Variants in OR4D6 observed in about 807,000 individuals in gnomAD.
OR4D6 encodes olfactory receptor family 4 subfamily D member 6.
A neutral mutation model predicts 10.9 loss-of-function variants in OR4D6; 9 were observed. The ratio of observed to expected loss-of-function variants is 0.82; its 90% CI spans 0.50 to 1.44. OR4D6 has a LOEUF of 1.44. OR4D6 is among the 40% of genes most tolerant of loss of function. OR4D6 has a pLI of 0.00. For missense variants in OR4D6, 370 were observed against 384.4 expected, an observed-to-expected ratio of 0.96 and a Z score of 0.31; for synonymous variants, 167 against 154.4, an observed-to-expected ratio of 1.08 and a Z score of -0.60.
chr11:59,457,697 T>G lies in OR4D6; in HGVS notation c.737T>G (p.Val246Gly). The G allele has an allele frequency of 6.2e-7, 1 of 1,614,134 alleles. No individual in the cohort carries two copies. The highest frequency in any genetic ancestry group is 1.1e-5 in the South Asian group (1 of 91,072). Residue 246 changes from valine to glycine, a missense_variant, in exon 1 of 1, where the codon GTG becomes GGG. Coordinates refer to ENST00000300127, the MANE Select transcript of OR4D6 (RefSeq NM_001004708.1). ...TCCACGTGCACGTCCCACATGCTGG[T>G]GGTGACTCTTCACTTCGTGCCTTGT... Reference protein sequence around the residue: ...ALSTCTSHMLVVTLHFVPCVY... With the variant: ...ALSTCTSHMLGVTLHFVPCVY...
rs746809183 is a variant in OR4D6 at position 59,457,167 on chromosome 11, G to A, written c.207G>A (p.Leu69=). 3 of 1,613,696 alleles carry A rather than the reference G, an allele frequency of 1.9e-6. No individual in the cohort carries two copies. The highest frequency in any genetic ancestry group is 1.1e-5 in the South Asian group (1 of 91,058). The part of the protein sequence containing the change: ...MYFLLRNKSV[L]DIVFSSITVP... ...TTCTCCTGCGGAACAAATCAGTCCT[G>A]GACATCGTTTTTTCATCTATCACCG... Residue 69 remains leucine, a synonymous_variant, in exon 1 of 1, where the codon CTG becomes CTA. Coordinates refer to ENST00000300127, the MANE Select transcript of OR4D6 (RefSeq NM_001004708.1).
rs759918201 is a variant in OR4D6 at position 59,457,133 on chromosome 11, C to T, written c.173C>T (p.Pro58Leu). ...ACCTGTGAGTCCCGCCTACACACTC[C>T]TATGTACTTTCTCCTGCGGAACAAA... Reference protein sequence around the residue: ...TITCESRLHTPMYFLLRNKSV... With the variant: ...TITCESRLHTLMYFLLRNKSV... Residue 58 changes from proline (P) to leucine (L), a missense_variant, in exon 1 of 1, where the codon CCT becomes CTT. Physicochemically the swap from Pro to Leu is moderately conservative, Grantham distance 98. Transcript: ENST00000300127. 3.1e-6 allele frequency: 5 copies of T among 1,614,050 alleles called. No homozygotes were observed. The highest frequency in any genetic ancestry group is 4.2e-6 in the Non-Finnish European group (5 of 1,179,916).
Position 59,456,975 on chromosome 11 carries a change from C to G in OR4D6, c.15C>G (p.Asn5Lys). The change falls in exon 1 of 1, where the codon AAC (asparagine) becomes AAG (lysine). Residue 5 changes from asparagine to lysine, a missense_variant. By Grantham distance (94) the Asn-to-Lys change is moderately conservative. Transcript: ENST00000300127. Reference protein sequence around the residue: MDQINHTNVKEFFFL... With the variant: MDQIKHTNVKEFFFL... ...TCATCCCCATCATGGACCAGATCAA[C>G]CACACTAATGTGAAGGAGTTTTTCT... 6.2e-7 allele frequency: 1 copy of G among 1,612,854 alleles called. No homozygotes were observed. The highest frequency in any genetic ancestry group is 8.5e-7 in the Non-Finnish European group (1 of 1,179,034).
rs748836516 is a variant in OR4D6, at chr11:59,457,269, C to T, written c.309C>T (p.Phe103=). The T allele has an allele frequency of 1.9e-6, 3 of 1,613,560 alleles. No homozygotes were observed. The highest frequency in any genetic ancestry group is 2.2e-5 in the East Asian group (1 of 44,890). Residue 103 remains phenylalanine (F), a synonymous_variant, in exon 1 of 1, where the codon TTC becomes TTT. Transcript: ENST00000300127. ...ATGACTGCATGGCACAGATCTTTTT[C>T]TTCCACTTTGCTGGTGGGGCAGATA... The part of the protein sequence containing the change: ...SYNDCMAQIF[F]FHFAGGADIF...
chr11:59,457,444 CT>C lies in OR4D6; in HGVS notation c.485del (p.Leu162ArgfsTer24). 1.2e-6 allele frequency: 2 copies of C among 1,614,156 alleles called. No homozygotes were observed. Among genetic ancestry groups the C allele is most frequent in the Non-Finnish European group, 1.7e-6 (2 of 1,180,018 alleles). ...GGLHSIIQVI[L>X]MLPFPFCGPN... ...TTTGCATTCAATCATCCAGGTAATT[CT>C]GATGCTTCCATTCCCCTTCTGTGGC... On this transcript the variant is annotated frameshift_variant, in exon 1 of 1. Coordinates refer to ENST00000300127, the MANE Select transcript of OR4D6 (RefSeq NM_001004708.1). LOFTEE classifies it high-confidence loss of function.
chr11:59,457,199 A>G lies in OR4D6; in HGVS notation c.239A>G (p.Lys80Arg), dbSNP rs772813195. The change falls in exon 1 of 1, where the codon AAG (lysine) becomes AGG (arginine). Residue 80 changes from lysine (K) to arginine (R), a missense_variant. Transcript: ENST00000300127. ...GTTTTTTCATCTATCACCGTCCCCA[A>G]GTTCCTGGTGGATCTTTTATCAGAC... ...DIVFSSITVP[K>R]FLVDLLSDRK... The G allele has an allele frequency of 3.7e-6, 6 of 1,613,200 alleles. No individual in the cohort carries two copies. The Admixed American group carries it at 5.0e-5, about 13-fold the overall frequency.
At position 59,457,785 on chromosome 11, in the gene OR4D6, CACGGTCATT is replaced by C; in HGVS notation, c.828_836del (p.Val277_Thr279del). 1 of 1,613,850 alleles carries C rather than the reference CACGGTCATT, an allele frequency of 6.2e-7. No homozygotes were observed. Among genetic ancestry groups the C allele is most frequent in the Non-Finnish European group, 8.5e-7 (1 of 1,179,748 alleles). On this transcript the variant is annotated inframe_deletion, in exon 1 of 1. Transcript: ENST00000300127. ...TGGACACAACCATATCCATTAATAA[CACGGTCATT>C]ACCCCCATGCTGAACCCCATCATCT...
chr11:59,457,194 C>T lies in OR4D6; in HGVS notation c.234C>T (p.Val78=), dbSNP rs1565078401. ...ACATCGTTTTTTCATCTATCACCGTCCCCAAGTTCCTGGTGGATCTTTTAT... is the reference window on the plus strand; with the variant it reads ...ACATCGTTTTTTCATCTATCACCGTTCCCAAGTTCCTGGTGGATCTTTTAT... The part of the protein sequence containing the change: ...VLDIVFSSIT[V]PKFLVDLLSD... The change falls in exon 1 of 1, where the codon GTC becomes GTT. Residue 78 remains valine, a synonymous_variant. Transcript: ENST00000300127. 7 of 1,613,486 alleles carry T rather than the reference C, an allele frequency of 4.3e-6. No individual in the cohort carries two copies. The South Asian group carries it at 7.7e-5, about 18-fold the overall frequency.
Position 59,457,656 on chromosome 11 carries a change from G to A in OR4D6, c.696G>A (p.Gly232=). Residue 232 remains glycine, a synonymous_variant, in exon 1 of 1, where the codon GGG becomes GGA. Coordinates refer to ENST00000300127, the MANE Select transcript of OR4D6 (RefSeq NM_001004708.1). The part of the protein sequence containing the change: ...LVMLRSHSGE[G]RNKALSTCTS... ...TGCTGAGATCCCACTCTGGGGAGGG[G>A]CGGAACAAGGCCCTCTCCACGTGCA... The A allele has an allele frequency of 3.1e-6, 5 of 1,613,950 alleles. No individual in the cohort carries two copies. Among genetic ancestry groups the A allele is most frequent in the Non-Finnish European group, 4.2e-6 (5 of 1,179,910 alleles).
chr11:59,457,008 A>G lies in OR4D6; in HGVS notation c.48A>G (p.Glu16=). The G allele has an allele frequency of 6.2e-7, 1 of 1,614,154 alleles. No individual in the cohort carries two copies. Among genetic ancestry groups the G allele is most frequent in the Non-Finnish European group, 8.5e-7 (1 of 1,180,020 alleles). ...ATGTGAAGGAGTTTTTCTTCCTGGA[A>G]CTTACACGTTCCCGAGAGCTGGAGT... is the stretch of plus-strand genomic sequence containing the variant. ...HTNVKEFFFL[E]LTRSRELEFF... is the part of the protein sequence containing the mutation. Residue 16 remains glutamate, a synonymous_variant, in exon 1 of 1, where the codon GAA becomes GAG. Coordinates refer to ENST00000300127, the MANE Select transcript of OR4D6 (RefSeq NM_001004708.1).
chr11:59,457,488 C>T lies in OR4D6; in HGVS notation c.528C>T (p.Ala176=), dbSNP rs778025897. The T allele has an allele frequency of 4.3e-6, 7 of 1,614,126 alleles. No individual in the cohort carries two copies. ...TCTGTGGCCCCAACACACTGGATGC[C>T]TTCTACTGTTATGTGCTCCAGGTGG... ...FPFCGPNTLD[A]FYCYVLQVVK... The change falls in exon 1 of 1, where the codon GCC becomes GCT. Residue 176 remains alanine, a synonymous_variant. Coordinates refer to ENST00000300127, the MANE Select transcript of OR4D6 (RefSeq NM_001004708.1).
In OR4D6 at chr11:59,457,309, G is replaced by A. The variant is rs765498680; in HGVS notation, c.349G>A (p.Val117Met). ...TGGGGCAGATATTTTTTTCCTCTCTGTGATGGCCTATGACAGATACCTTGC... is the reference window on the plus strand; with the variant it reads ...TGGGGCAGATATTTTTTTCCTCTCTATGATGGCCTATGACAGATACCTTGC... ...AGGADIFFLS[V>M]MAYDRYLAIA... is the part of the protein sequence containing the mutation. Residue 117 changes from valine (V) to methionine (M), a missense_variant, in exon 1 of 1, where the codon GTG becomes ATG. By Grantham distance (21) the Val-to-Met change is conservative. Coordinates refer to ENST00000300127, the MANE Select transcript of OR4D6 (RefSeq NM_001004708.1). 3 of 1,613,272 alleles carry A rather than the reference G, an allele frequency of 1.9e-6. No homozygotes were observed. The highest frequency in any genetic ancestry group is 2.5e-6 in the Non-Finnish European group (3 of 1,179,754).
In OR4D6 at chr11:59,457,339, G is replaced by A. The variant is rs200132677; in HGVS notation, c.379G>A (p.Ala127Thr). ...VMAYDRYLAI[A>T]KPLHYVTMMR... is the part of the protein sequence containing the mutation. ...GGCCTATGACAGATACCTTGCAATC[G>A]CCAAGCCCCTGCACTATGTGACCAT... The change falls in exon 1 of 1, where the codon GCC (alanine) becomes ACC (threonine). Residue 127 changes from alanine to threonine, a missense_variant. Transcript: ENST00000300127. 3.0e-5 allele frequency: 48 copies of A among 1,612,640 alleles called. 1 individual carries two copies. The highest frequency in any genetic ancestry group is 8.8e-5 in the South Asian group (8 of 90,826).
Position 59,457,077 on chromosome 11 carries a change from C to T in OR4D6, c.117C>T (p.Val39=), listed in dbSNP as rs756438643. ...VVFFAVYVAT[V]LGNALIVVTI... is the part of the protein sequence containing the mutation. ...TCTTTGCTGTGTATGTAGCAACAGT[C>T]CTGGGAAATGCACTCATTGTGGTCA... is the stretch of plus-strand genomic sequence containing the variant. Residue 39 remains valine (V), a synonymous_variant, in exon 1 of 1, where the codon GTC becomes GTT. Coordinates refer to ENST00000300127, the MANE Select transcript of OR4D6 (RefSeq NM_001004708.1). 1 of 1,613,982 alleles carries T rather than the reference C, an allele frequency of 6.2e-7. No homozygotes were observed. The highest frequency in any genetic ancestry group is 8.5e-7 in the Non-Finnish European group (1 of 1,179,890).
In OR4D6 at chr11:59,457,411, A is replaced by G; in HGVS notation, c.451A>G (p.Ser151Gly). The G allele has an allele frequency of 6.2e-7, 1 of 1,614,082 alleles. No homozygotes were observed. The highest frequency in any genetic ancestry group is 1.1e-5 in the South Asian group (1 of 91,066). Residue 151 changes from serine (S) to glycine (G), a missense_variant, in exon 1 of 1, where the codon AGT becomes GGT. Physicochemically the swap from Ser to Gly is moderately conservative, Grantham distance 56. Transcript: ENST00000300127. ...WVALVVASWVSGGLHSIIQVI... is the reference protein window; with the variant it reads ...WVALVVASWVGGGLHSIIQVI... ...GGCCTTGGTGGTGGCTTCTTGGGTGAGTGGTGGTTTGCATTCAATCATCCA... is the reference window on the plus strand; with the variant it reads ...GGCCTTGGTGGTGGCTTCTTGGGTGGGTGGTGGTTTGCATTCAATCATCCA...
At position 59,457,152 on chromosome 11, in the gene OR4D6, G is replaced by C. The variant is rs778878553; in HGVS notation, c.192G>C (p.Arg64=). ...RLHTPMYFLL[R]NKSVLDIVFS... Reference sequence around the variant, plus strand: ...ACACTCCTATGTACTTTCTCCTGCGGAACAAATCAGTCCTGGACATCGTTT... The same window carrying C: ...ACACTCCTATGTACTTTCTCCTGCGCAACAAATCAGTCCTGGACATCGTTT... Residue 64 remains arginine (R), a synonymous_variant, in exon 1 of 1, where the codon CGG becomes CGC. Transcript: ENST00000300127. The C allele has an allele frequency of 3.7e-6, 6 of 1,614,070 alleles. No homozygotes were observed. In the South Asian group the frequency reaches 5.5e-5, roughly 15 times the overall value.
chr11:59,457,099 G>A lies in OR4D6; in HGVS notation c.139G>A (p.Val47Ile). 1 of 1,614,014 alleles carries A rather than the reference G, an allele frequency of 6.2e-7. No individual in the cohort carries two copies. The change falls in exon 1 of 1, where the codon GTC becomes ATC. Residue 47 changes from valine to isoleucine, a missense_variant. Transcript: ENST00000300127. ...AGTCCTGGGAAATGCACTCATTGTG[G>A]TCACTATTACCTGTGAGTCCCGCCT... ...ATVLGNALIV[V>I]TITCESRLHT...
Position 59,457,191 on chromosome 11 carries a change from C to T in OR4D6, c.231C>T (p.Thr77=), listed in dbSNP as rs149619824. 6.8e-5 allele frequency: 110 copies of T among 1,613,352 alleles called. No homozygotes were observed. The highest frequency in any genetic ancestry group is 5.0e-4 in the Middle Eastern group (3 of 6,056). ...SVLDIVFSSI[T]VPKFLVDLLS... is the part of the protein sequence containing the mutation. Reference sequence around the variant, plus strand: ...TGGACATCGTTTTTTCATCTATCACCGTCCCCAAGTTCCTGGTGGATCTTT... The same window carrying T: ...TGGACATCGTTTTTTCATCTATCACTGTCCCCAAGTTCCTGGTGGATCTTT... Residue 77 remains threonine, a synonymous_variant, in exon 1 of 1, where the codon ACC becomes ACT. Transcript: ENST00000300127.
At position 59,457,160 on chromosome 11, in the gene OR4D6, C is replaced by T. The variant is rs868070725; in HGVS notation, c.200C>T (p.Ser67Leu). Residue 67 changes from serine (S) to leucine (L), a missense_variant, in exon 1 of 1, where the codon TCA becomes TTA. Coordinates refer to ENST00000300127, the MANE Select transcript of OR4D6 (RefSeq NM_001004708.1). ...ATGTACTTTCTCCTGCGGAACAAAT[C>T]AGTCCTGGACATCGTTTTTTCATCT... ...TPMYFLLRNKSVLDIVFSSIT... is the reference protein window; with the variant it reads ...TPMYFLLRNKLVLDIVFSSIT... 5 of 1,613,898 alleles carry T rather than the reference C, an allele frequency of 3.1e-6. No homozygotes were observed. The highest frequency in any genetic ancestry group is 3.4e-6 in the Non-Finnish European group (4 of 1,179,896).
Sources: allele counts gnomAD v4.1 joint callset, GRCh38; gene constraint gnomAD v4.1.1; transcripts MANE v1.5; gene names NCBI Gene and HGNC (gene_info 2026-07-23, HGNC 2026-07-21).